The following PBRM1 variants were observed in gnomAD, a reference collection of about 807,000 sequenced individuals.
PBRM1 encodes the protein polybromo 1, also known as protein polybromo-1.
In PBRM1, 27 loss-of-function variants were observed where a neutral mutation model predicts 194.5. The ratio of observed to expected loss-of-function variants is 0.14; its 90% CI spans 0.10 to 0.19. The LOEUF is 0.19. Among genes scored for constraint, PBRM1 ranks in the 10% least tolerant of loss-of-function variants. PBRM1 has a pLI of 1.00. For missense variants in PBRM1, 1,466 were observed against 2,077.2 expected (o/e 0.71, Z 5.72); for synonymous variants, 655 against 693.2 (o/e 0.94, Z 0.87).
chr3:52,548,090 G>C (rs2079915262), exon 30 of PBRM1: 1 of 1,610,274 alleles, frequency 6.2e-7, no homozygotes, highest in Non-Finnish European at 8.5e-7. Flanking sequence ...TGTATGCTTG[G>C]CGAATGTTGA....
intron 17 of PBRM1, among the ~76,000 whole-genome samples, chr3:52,593,224 C>T (rs1283448367): frequency 2.0e-5 from 3 of 151,978 alleles, no homozygotes; most frequent in African/African-American, 7.2e-5. Flanking sequence ...CTAGTTCTTT[C>T]TCCTATGAAG....
intron 17 of PBRM1, among the ~76,000 whole-genome samples, chr3:52,591,555 T>A (rs1222022213): frequency 6.8e-6 from 1 of 146,114 alleles, no homozygotes; most frequent in East Asian, 2.0e-4. Flanking sequence ...GTCTTGCTCT[T>A]GTCTCCCAGG....
At chr3:52,608,511 C>A (rs1212612976) in intron 16 of PBRM1, among the ~76,000 whole-genome samples, 1 of 152,136 alleles carries the variant, frequency 6.6e-6, no homozygotes, top group Non-Finnish European at 1.5e-5. Context: ...TTACTACTTG[C>A]TTTTCTTTAA....
At chr3:52,657,840 T>A (rs1403556339) in intron 5 of PBRM1, among the ~76,000 whole-genome samples, 1 of 148,414 alleles carries the variant, frequency 6.7e-6, no homozygotes, top group Non-Finnish European at 1.5e-5. Context: ...CAGGCTGGAG[T>A]GCAATGGCGC....
At chr3:52,626,099 T>C (rs1329612871) in intron 13 of PBRM1, among the ~76,000 whole-genome samples, 1 of 152,232 alleles carries the variant, frequency 6.6e-6, no homozygotes, top group Non-Finnish European at 1.5e-5. Flanking sequence ...AGGTGACTGA[T>C]CTGGAAAACA....
intron 20 of PBRM1, 33 bp downstream of exon 22, chr3:52,586,392 A>G: frequency 6.4e-7 from 1 of 1,567,006 alleles, no homozygotes; most frequent in Non-Finnish European, 8.7e-7. Context: ...TTTGAGATGT[A>G]AAATTTTTTC....
intron 16 of PBRM1, among the ~76,000 whole-genome samples, chr3:52,606,342 G>A (rs924322195): frequency 3.3e-5 from 5 of 152,086 alleles, no homozygotes; most frequent in African/African-American, 1.2e-4. Context: ...TTTTCTGAAT[G>A]AAGATATTTG....
chr3:52,658,375 T>C (rs1029344839), intron 4 of PBRM1, 60 bp from the exon 6 acceptor site: 14 of 878,888 alleles, frequency 1.6e-5, no homozygotes, highest in African/African-American at 1.4e-4. Context: ...GAATATTACA[T>C]AGCTTCTAAA....
At chr3:52,641,850 C>T in intron 10 of PBRM1, 104 bp downstream of exon 11, 1 of 785,654 alleles carries the variant, frequency 1.3e-6, no homozygotes, top group Admixed American at 1.8e-5. Context: ...ATAGCATGTA[C>T]TTCCCAAACC....
At chr3:52,648,615 A>G (rs1357030754) in intron 6 of PBRM1, among the ~76,000 whole-genome samples, 173 bp from the exon 8 acceptor site, 1 of 152,242 alleles carries the variant, frequency 6.6e-6, no homozygotes, top group Non-Finnish European at 1.5e-5. Flanking sequence ...TTATTACTGT[A>G]CCCATTTATA....
chr3:52,673,032 G>C (rs1264219987), intron 2 of PBRM1, among the ~76,000 whole-genome samples: 2 of 151,150 alleles, frequency 1.3e-5, no homozygotes, highest in Non-Finnish European at 2.9e-5. Context: ...TTATTGTCCA[G>C]GCTGGAGTGC....
At chr3:52,559,846 TAAAA>T (rs34203062) in intron 25 of PBRM1, among the ~76,000 whole-genome samples, 1 of 125,146 alleles carries the variant, frequency 8.0e-6, no homozygotes, top group African/African-American at 3.2e-5. Flanking sequence ...GAGCTAGCAG[TAAAA>T]AAAAAAAAAA....
intron 6 of PBRM1, among the ~76,000 whole-genome samples, chr3:52,648,918 T>C (rs2096405198): frequency 6.6e-6 from 1 of 152,170 alleles, no homozygotes; most frequent in Non-Finnish European, 1.5e-5. Context: ...AGCTGTCATA[T>C]CTTAAGGCTC....
At chr3:52,625,123 A>T (rs1315373150) in intron 13 of PBRM1, among the ~76,000 whole-genome samples, 182 bp from the exon 15 acceptor site, 3 of 152,236 alleles carry the variant, frequency 2.0e-5, no homozygotes, top group African/African-American at 7.2e-5. Flanking sequence ...CCCCAGAATG[A>T]AGAGAATATA....
At position 52,641,852 on chromosome 3, in the gene PBRM1, T is replaced by C. The variant is rs1431995985; in HGVS notation, c.1087+102A>G. On this transcript the variant is annotated intron_variant, in intron 10 of 29. Coordinates refer to ENST00000296302, the Ensembl canonical transcript of PBRM1. ...CAAATGCAATAAAATAGCATGTACT[T>C]CCCAAACCAGCAAACCCTAGGCCAG... is the stretch of plus-strand genomic sequence containing the variant. 5 of 794,468 alleles carry C rather than the reference T, an allele frequency of 6.3e-6. No individual in the cohort carries two copies. In the East Asian group the frequency reaches 9.8e-5, roughly 16 times the overall value. The allele number at this position is 794,468 out of a possible 1,614,324, so 49.2% of individuals were successfully genotyped here. A position where few individuals can be genotyped will look rare whatever the true frequency, so the allele number is the denominator to read the frequency against.
intron 27 of PBRM1, among the ~76,000 whole-genome samples, chr3:52,553,173 T>TAGC (rs1669759589): frequency 6.6e-6 from 1 of 152,232 alleles, no homozygotes. Context: ...GTTGGGCCCT[T>TAGC]AGCTGATGTT....
intron 2 of PBRM1, among the ~76,000 whole-genome samples, chr3:52,674,621 C>T (rs2097046844): frequency 7.8e-6 from 1 of 128,068 alleles, no homozygotes; most frequent in Non-Finnish European, 1.6e-5. Flanking sequence ...GAAACCCTGT[C>T]TCTACCAAAA....
At chr3:52,598,482 T>A (rs2093731641) in intron 17 of PBRM1, among the ~76,000 whole-genome samples, 1 of 152,246 alleles carries the variant, frequency 6.6e-6, no homozygotes, top group African/African-American at 2.4e-5. Context: ...TCACTTATCA[T>A]AAGGTTTTCA....
At chr3:52,658,390 T>C in intron 4 of PBRM1, 75 bp from the exon 6 acceptor site, 1 of 769,158 alleles carries the variant, frequency 1.3e-6, no homozygotes, top group South Asian at 1.6e-5. Context: ...TCTAAAATTG[T>C]AGAGCTAATT....
Sources: allele counts gnomAD v4.1 joint callset (sites outside exome capture counted in the v4.1 genomes callset), GRCh38; gene constraint gnomAD v4.1.1; transcripts MANE v1.5; gene names NCBI Gene and HGNC (gene_info 2026-07-23, HGNC 2026-07-21).